The following SGCZ variants were observed in gnomAD, a reference collection of about 807,000 sequenced individuals.
The protein encoded by SGCZ is zeta-sarcoglycan.
Under a neutral mutation model 41.3 loss-of-function variants are expected in SGCZ, and 40 were observed. The ratio of observed to expected loss-of-function variants is 0.97; its 90% CI spans 0.75 to 1.26. SGCZ has a LOEUF of 1.26. Ranked by LOEUF, SGCZ falls within the 50% of genes most tolerant of loss-of-function variation. SGCZ has a pLI of 0.00. For synonymous variants in SGCZ, 206 were observed against 137.5 expected (o/e 1.50, Z -3.49); for missense variants, 552 against 369.8 (o/e 1.49, Z -4.04).
At chr8:14,784,704 G>A (rs568086020) in intron 1 of SGCZ, among the ~76,000 whole-genome samples, 37 of 151,288 alleles carry the variant, frequency 2.4e-4, no homozygotes, top group African/African-American at 8.2e-4. Context: ...AGACCAGCCT[G>A]ACTAACGTGG....
At chr8:14,277,151 T>C (rs1800265319) in intron 3 of SGCZ, among the ~76,000 whole-genome samples, 1 of 152,214 alleles carries the variant, frequency 6.6e-6, no homozygotes, top group Non-Finnish European at 1.5e-5. Context: ...ACATATTAAA[T>C]AGAGTCTAAA....
chr8:14,712,867 C>A (rs1179086594), intron 1 of SGCZ, among the ~76,000 whole-genome samples: 2 of 151,832 alleles, frequency 1.3e-5, no homozygotes, highest in Admixed American at 1.3e-4. Context: ...TGCCAATAGA[C>A]CAGGTCACAT....
At chr8:14,915,891 C>A (rs933716307) in intron 1 of SGCZ, among the ~76,000 whole-genome samples, 7 of 152,138 alleles carry the variant, frequency 4.6e-5, no homozygotes, top group African/African-American at 9.7e-5. Context: ...GACAATGAAA[C>A]CCAGGGTATA....
intron 1 of SGCZ, among the ~76,000 whole-genome samples, chr8:15,059,680 T>G (rs1585521375): frequency 6.6e-6 from 1 of 152,378 alleles, no homozygotes; most frequent in African/African-American, 2.4e-5. Flanking sequence ...TATTTGTGTC[T>G]TTGCTTATAT....
intron 1 of SGCZ, among the ~76,000 whole-genome samples, chr8:15,077,334 T>A (rs1029434435): frequency 6.6e-6 from 1 of 152,248 alleles, no homozygotes; most frequent in African/African-American, 2.4e-5. Context: ...TAAGTGCATT[T>A]CATGTATTTA....
At position 14,784,934 on chromosome 8, in the gene SGCZ, AAAAT is replaced by A. The variant is rs1182554913; in HGVS notation, c.40-230012_40-230009del. 1.7e-4 allele frequency among the ~76,000 whole-genome samples: 12 copies of A among 69,324 alleles called. No individual in the cohort carries two copies. The East Asian group carries it at 2.1e-3, about 12-fold the overall frequency. 45.5% of individuals were successfully genotyped at this position (69,324 alleles called of 152,430 possible). A position where few individuals can be genotyped will look rare whatever the true frequency, so the allele number is the denominator to read the frequency against. On this transcript the variant is annotated intron_variant, in intron 1 of 7. Coordinates refer to ENST00000382080, the MANE Select transcript of SGCZ (RefSeq NM_139167.4). ...AAAAAATATATATATATATATATATAAAATATATATATTTTTTATATTATATATA... is the reference window on the plus strand; with the variant it reads ...AAAAAATATATATATATATATATATAATATATATTTTTTATATTATATATA...
At chr8:14,292,825 T>C (rs1413683947) in intron 3 of SGCZ, among the ~76,000 whole-genome samples, 1 of 142,928 alleles carries the variant, frequency 7.0e-6, no homozygotes. Context: ...AAATAAACAA[T>C]GCATTATGTT....
chr8:15,060,493 G>C (rs1804883479), intron 1 of SGCZ, among the ~76,000 whole-genome samples: 1 of 129,076 alleles, frequency 7.7e-6, no homozygotes, highest in Non-Finnish European at 1.6e-5. Flanking sequence ...CATAGGAAGG[G>C]GAACATGACA....
chr8:14,626,789 G>A (rs1806474328), intron 1 of SGCZ, among the ~76,000 whole-genome samples: 1 of 152,152 alleles, frequency 6.6e-6, no homozygotes, highest in African/African-American at 2.4e-5. Flanking sequence ...CAAGGCTGCT[G>A]ATATCTTGAA....
chr8:14,738,924 G>C (rs1034317247), intron 1 of SGCZ, among the ~76,000 whole-genome samples: 2 of 152,006 alleles, frequency 1.3e-5, no homozygotes, highest in South Asian at 4.1e-4. Context: ...CTCTCTGGGA[G>C]GAAGAACCTA....
At chr8:14,388,691 G>A (rs544018133) in intron 2 of SGCZ, among the ~76,000 whole-genome samples, 5 of 151,942 alleles carry the variant, frequency 3.3e-5, no homozygotes, top group African/African-American at 1.2e-4. Context: ...AGAATGGGTG[G>A]CAAATCCTTG....
At chr8:14,887,456 T>C (rs1347225102) in intron 1 of SGCZ, among the ~76,000 whole-genome samples, 1 of 152,188 alleles carries the variant, frequency 6.6e-6, no homozygotes, top group Non-Finnish European at 1.5e-5. Context: ...ATGCATATAT[T>C]TTTAGGCCTT....
intron 1 of SGCZ, among the ~76,000 whole-genome samples, chr8:15,159,017 C>T (rs1232671630): frequency 1.3e-5 from 2 of 152,148 alleles, no homozygotes; most frequent in South Asian, 2.1e-4. Context: ...CAGATGGCTG[C>T]AATCCCTACG....
intron 1 of SGCZ, among the ~76,000 whole-genome samples, chr8:14,954,473 G>C (rs1800734443): frequency 1.3e-5 from 2 of 152,072 alleles, no homozygotes; most frequent in African/African-American, 2.4e-5. Flanking sequence ...GTTGCAGCTT[G>C]TTAAAACCAG....
At chr8:14,793,114 C>T (rs1300746633) in intron 1 of SGCZ, among the ~76,000 whole-genome samples, 2 of 152,192 alleles carry the variant, frequency 1.3e-5, no homozygotes, top group African/African-American at 4.8e-5. Flanking sequence ...ACTATACTCA[C>T]ACAGTCAGAT....
At chr8:14,237,516 A>G in intron 4 of SGCZ, 76 bp downstream of exon 4, 1 of 1,334,086 alleles carries the variant, frequency 7.5e-7, no homozygotes, top group Non-Finnish European at 1.1e-6. Flanking sequence ...AACGACAACA[A>G]CAAGAACCAA....
At chr8:14,232,363 T>C (rs1186576753) in intron 4 of SGCZ, among the ~76,000 whole-genome samples, 2 of 151,966 alleles carry the variant, frequency 1.3e-5, no homozygotes, top group African/African-American at 2.4e-5. Context: ...ACAGTTTCTA[T>C]TGTTAAGTGA....
At chr8:14,321,752 A>C (rs1482218601) in intron 3 of SGCZ, among the ~76,000 whole-genome samples, 1 of 152,134 alleles carries the variant, frequency 6.6e-6, no homozygotes, top group Non-Finnish European at 1.5e-5. Flanking sequence ...CCTTAGAACT[A>C]CACGAACTTT....
At chr8:15,185,029 G>C (rs541133518) in intron 1 of SGCZ, among the ~76,000 whole-genome samples, 1 of 152,226 alleles carries the variant, frequency 6.6e-6, no homozygotes, top group Non-Finnish European at 1.5e-5. Context: ...TTGCTTTTTA[G>C]CTCCAGATGC....
Sources: allele counts gnomAD v4.1 joint callset (sites outside exome capture counted in the v4.1 genomes callset), GRCh38; gene constraint gnomAD v4.1.1; transcripts MANE v1.5; gene names NCBI Gene and HGNC (gene_info 2026-07-23, HGNC 2026-07-21).